STAB1: variants seen among roughly 807,000 people sequenced by gnomAD.
STAB1 encodes stabilin-1.
A neutral mutation model predicts 332.4 loss-of-function variants in STAB1; 250 were observed. The ratio of observed to expected loss-of-function variants is 0.75; its 90% CI spans 0.68 to 0.84. STAB1 has a LOEUF of 0.84. STAB1 is among the 40% of genes least tolerant of loss of function. STAB1 has a pLI of 0.00. For synonymous variants in STAB1, 1,475 were observed against 1,390.4 expected (o/e 1.06, Z -1.35); for missense variants, 3,249 against 3,489.7 (o/e 0.93, Z 1.74).
intron 22 of STAB1, 33 bp downstream of exon 22, chr3:52,509,354 G>A (rs1001599947): frequency 6.3e-7 from 1 of 1,590,632 alleles, no homozygotes; most frequent in African/African-American, 1.3e-5. Context: ...ACCTCCTAGG[G>A]AGAAAAAACG....
In STAB1 at chr3:52,524,465, T is replaced by A. The variant is rs780803229; in HGVS notation, c.*109T>A. The A allele has an allele frequency of 4.3e-6, 7 of 1,612,564 alleles. No homozygotes were observed. In the East Asian group the frequency reaches 1.6e-4, roughly 36 times the overall value. The stretch of plus-strand genomic sequence containing the variant: ...GAGGGCCTGTCCCAGACAATAAAGG[T>A]GCCCTCAGCGGATGTGGGCCATGTC... On this transcript the variant is annotated 3_prime_UTR_variant, in exon 69 of 69. Transcript: ENST00000321725.
In STAB1 at chr3:52,502,169, G is replaced by C; in HGVS notation, c.428G>C (p.Arg143Pro). The C allele has an allele frequency of 6.2e-7, 1 of 1,613,474 alleles. No homozygotes were observed. The highest frequency in any genetic ancestry group is 8.5e-7 in the Non-Finnish European group (1 of 1,180,010). Residue 143 changes from arginine (R) to proline (P), a missense_variant, in exon 5 of 69, where the codon CGC becomes CCC. By Grantham distance (103) the Arg-to-Pro change is moderately radical. Coordinates refer to ENST00000321725, the MANE Select transcript of STAB1 (RefSeq NM_015136.3). ...TGCATCCACCACCAGGAAAACTTCC[G>C]CGGCTCAGCCTGCCAGGAGTGCCAA... ...NGTCVCQENF[R>P]GSACQECQDP...
intron 1 of STAB1, among the ~76,000 whole-genome samples, chr3:52,497,780 C>T (rs1174096033): frequency 6.6e-6 from 1 of 152,156 alleles, no homozygotes; most frequent in Non-Finnish European, 1.5e-5. Context: ...GTCCTGGAAC[C>T]AGTCCCCCAT....
In STAB1 at chr3:52,503,534, G is replaced by A. The variant is rs558804551; in HGVS notation, c.885G>A (p.Pro295=). 2.7e-5 allele frequency: 44 copies of A among 1,613,108 alleles called. No homozygotes were observed. Among genetic ancestry groups the A allele is most frequent in the African/African-American group, 6.7e-5 (5 of 75,052 alleles). ...CTACTTTGTGTGTGTACCAGAAGCC[G>A]GGCCAGGTGAGCCAGGGTCCCAGGC... The part of the protein sequence containing the change: ...SNSTLCVYQK[P]GQAFCTCRPG... The change falls in exon 8 of 69, where the codon CCG becomes CCA. Residue 295 remains proline (P), a synonymous_variant. Transcript: ENST00000321725.
chr3:52,521,346 C>T lies in STAB1; in HGVS notation c.5909-15C>T, dbSNP rs771888312. The T allele has an allele frequency of 1.2e-6, 2 of 1,613,660 alleles. No individual in the cohort carries two copies. The highest frequency in any genetic ancestry group is 1.1e-5 in the South Asian group (1 of 91,078). On this transcript the variant is annotated splice_polypyrimidine_tract_variant and intron_variant, in intron 55 of 68. Transcript: ENST00000321725. ...AGCCCCTGGCCCCACCTCACTTCTC[C>T]TACCCCATCCCCAGCTTGCCCTGGC...
Position 52,508,035 on chromosome 3 carries a change from G to A in STAB1, c.2148+9G>A, listed in dbSNP as rs756457520. 1.4e-5 allele frequency: 22 copies of A among 1,611,644 alleles called. No individual in the cohort carries two copies. In the South Asian group the frequency reaches 2.3e-4, roughly 17 times the overall value. ...GCAACCAAACCATCATGGTAAGCGT[G>A]GGCATGGGTGCCCACTCCCAGGTCA... On this transcript the variant is annotated intron_variant, in intron 20 of 68. Transcript: ENST00000321725.
At chr3:52,497,063 G>A (rs185153264) in intron 1 of STAB1, among the ~76,000 whole-genome samples, 9 of 152,282 alleles carry the variant, frequency 5.9e-5, no homozygotes, top group Admixed American at 2.0e-4. Context: ...GGGCAGTGGC[G>A]TGATCTCGGC....
rs148370390 is a variant in STAB1 at position 52,523,158 on chromosome 3, G to A, written c.7020+24G>A. 9,920 of 1,609,520 alleles carry A rather than the reference G, an allele frequency of 6.2e-3. 75 individuals carry two copies. The highest frequency in any genetic ancestry group is 0.025 in the South Asian group (2,240 of 90,672). On this transcript the variant is annotated intron_variant, in intron 63 of 68. Transcript: ENST00000321725. ...GGGTGTGTGGGGGCCACCCTTGGGGGCGGGGGGTGCTGGGATCCCCGAGGA... is the reference window on the plus strand; with the variant it reads ...GGGTGTGTGGGGGCCACCCTTGGGGACGGGGGGTGCTGGGATCCCCGAGGA...
rs775455024 is a variant in STAB1, at chr3:52,514,105, C to T, written c.3448-10C>T. 14 of 1,612,942 alleles carry T rather than the reference C, an allele frequency of 8.7e-6. No homozygotes were observed. The highest frequency in any genetic ancestry group is 3.3e-4 in the Middle Eastern group (2 of 6,074). Reference sequence around the variant, plus strand: ...AATATGCCCATCCCTGACCTCCACCCCATCCCTAGCACCATGGGTTGGTGC... The same window carrying T: ...AATATGCCCATCCCTGACCTCCACCTCATCCCTAGCACCATGGGTTGGTGC... On this transcript the variant is annotated splice_polypyrimidine_tract_variant and intron_variant, in intron 32 of 68. Transcript: ENST00000321725.
At chr3:52,506,893 T>C (rs756105289) in intron 18 of STAB1, 43 bp downstream of exon 18, 13 of 1,600,508 alleles carry the variant, frequency 8.1e-6, no homozygotes, top group Non-Finnish European at 9.4e-6. Context: ...CACTAACCCC[T>C]GTCAGCGCTG....
intron 2 of STAB1, 125 bp downstream of exon 2, chr3:52,501,427 C>T (rs781024011): frequency 6.4e-5 from 93 of 1,456,664 alleles, no homozygotes; most frequent in Admixed American, 1.3e-4. Flanking sequence ...TGTGGCCCCA[C>T]CTGGGTGGTG....
At chr3:52,511,552 C>A (rs971646624) in intron 25 of STAB1, 98 bp from the exon 26 acceptor site, 1 of 1,147,192 alleles carries the variant, frequency 8.7e-7, no homozygotes, top group Non-Finnish European at 1.2e-6. Context: ...TCTGGGCAGA[C>A]CTCCCTGGGG....
intron 32 of STAB1, 54 bp downstream of exon 32, chr3:52,514,035 G>C: frequency 6.3e-7 from 1 of 1,594,712 alleles, no homozygotes; most frequent in Non-Finnish European, 8.6e-7. Context: ...CTGTGCCCCA[G>C]GTCCAGAGGG....
At position 52,512,829 on chromosome 3, in the gene STAB1, G is replaced by T; in HGVS notation, c.3029G>T (p.Ser1010Ile). The change falls in exon 29 of 69, where the codon AGT (serine) becomes ATT (isoleucine). Residue 1010 changes from serine (S) to isoleucine (I), a missense_variant and splice_region_variant. Ser to Ile is a moderately radical substitution (Grantham distance 142). Coordinates refer to ENST00000321725, the MANE Select transcript of STAB1 (RefSeq NM_015136.3). ...CCCCTGCTCCCTGTGTGCGTGCAGA[G>T]TGCCGGCATCACGCTTCCTGCCGAC... Reference protein sequence around the residue: ...HFSIFYQWLKSAGITLPADRR... With the variant: ...HFSIFYQWLKIAGITLPADRR... 1 of 1,608,800 alleles carries T rather than the reference G, an allele frequency of 6.2e-7. No individual in the cohort carries two copies.
chr3:52,496,186 A>G (rs1195097873), intron 1 of STAB1, among the ~76,000 whole-genome samples: 1 of 152,188 alleles, frequency 6.6e-6, no homozygotes, highest in Non-Finnish European at 1.5e-5. Context: ...TGGCGAGCAG[A>G]CAGGGTCCTG....
rs778094023 is a variant in STAB1, at chr3:52,513,798, C to T, written c.3348+4C>T. Reference sequence around the variant, plus strand: ...TGTCCTACACATCCTCAGCCAGGTACAGCAGGAGGAGGGTGTGTGCAGGGA... The same window carrying T: ...TGTCCTACACATCCTCAGCCAGGTATAGCAGGAGGAGGGTGTGTGCAGGGA... On this transcript the variant is annotated splice_donor_region_variant and intron_variant, in intron 31 of 68. Transcript: ENST00000321725. 6.8e-6 allele frequency: 11 copies of T among 1,613,414 alleles called. No homozygotes were observed. The Middle Eastern group carries it at 6.6e-4, about 97-fold the overall frequency.
chr3:52,506,971 T>C, intron 18 of STAB1, 121 bp downstream of exon 18: 1 of 1,401,164 alleles, frequency 7.1e-7, no homozygotes, highest in Non-Finnish European at 9.6e-7. Context: ...TCTGAGGCCC[T>C]GCTGGCAGAC....
At chr3:52,522,300 A>T in intron 59 of STAB1, 30 bp from the exon 60 acceptor site, 1 of 1,612,226 alleles carries the variant, frequency 6.2e-7, no homozygotes, top group African/African-American at 1.3e-5. Context: ...CTGAAGGGTG[A>T]AGGGCGCCCA....
rs1315935476 is a variant in STAB1, at chr3:52,520,406, C to A, written c.5506C>A (p.Leu1836Ile). The A allele has an allele frequency of 6.2e-7, 1 of 1,611,900 alleles. No homozygotes were observed. The highest frequency in any genetic ancestry group is 1.3e-5 in the African/African-American group (1 of 75,044). Reference sequence around the variant, plus strand: ...TCATATTCTCTCCTTGCAGGGTGAGCTCATGGTGGGTGAGGATGATGCTCG... The same window carrying A: ...TCATATTCTCTCCTTGCAGGGTGAGATCATGGTGGGTGAGGATGATGCTCG... ...FSCSRTRAGE[L>I]MVGEDDARIV... The change falls in exon 53 of 69, where the codon CTC becomes ATC. Residue 1836 changes from leucine (L) to isoleucine (I), a missense_variant. Coordinates refer to ENST00000321725, the MANE Select transcript of STAB1 (RefSeq NM_015136.3).
Sources: gnomAD v4.1 joint callset for allele counts (sites outside exome capture counted in the v4.1 genomes callset) on GRCh38, gnomAD v4.1.1 for gene constraint, MANE v1.5 for transcripts, NCBI Gene and HGNC (gene_info 2026-07-23, HGNC 2026-07-21) for gene names.